The following ZNF577 variants were observed in gnomAD, a reference collection of about 807,000 sequenced individuals.
ZNF577 encodes zinc finger protein 577.
In ZNF577, 14 loss-of-function variants were observed where a neutral mutation model predicts 13.9. The ratio of observed to expected loss-of-function variants is 1.00; its 90% CI spans 0.66 to 1.57. ZNF577 has a LOEUF of 1.57. Among genes scored for constraint, ZNF577 ranks in the 40% most tolerant of loss-of-function variants. The pLI, the probability that ZNF577 is intolerant of heterozygous loss-of-function variation, is 0.00. For synonymous variants in ZNF577, 203 were observed against 202.9 expected (o/e 1.00, Z 0.00); for missense variants, 555 against 579.2 (o/e 0.96, Z 0.43).
At chr19:51,884,353 C>T (rs992025348) in intron 1 of ZNF577, among the ~76,000 whole-genome samples, 12 of 151,996 alleles carry the variant, frequency 7.9e-5, no homozygotes, top group Non-Finnish European at 1.6e-4. Context: ...GGCATGAAGC[C>T]TTGGATTTGC....
chr19:51,884,067 C>A (rs939964607), intron 1 of ZNF577, among the ~76,000 whole-genome samples: 3 of 152,028 alleles, frequency 2.0e-5, no homozygotes, highest in Non-Finnish European at 4.4e-5. Context: ...GAGTGAGAGT[C>A]CACTCACCCA....
At chr19:51,863,973 T>C (rs1568444253), downstream of ZNF577, among the ~76,000 whole-genome samples, 1 of 152,340 alleles carries the variant, frequency 6.6e-6, no homozygotes, top group East Asian at 1.9e-4. Flanking sequence ...TGCTCCCTTG[T>C]AGGAGGATCC....
Position 51,824,223 on chromosome 19 carries a change from C to A in ZNF577, c.*600-12549G>T, listed in dbSNP as rs1258611616. On this transcript the variant is annotated intron_variant and NMD_transcript_variant, in intron 9 of 10. Coordinates refer to the ZNF577 transcript ENST00000638827. This position sits in a 1 kb window ranked among gnomAD's most constrained non-coding sequence, Gnocchi z 4.7. ...GATTTTCACCATAGTCCTTACCTTA[C>A]CAAATTTCATCTTCTGGACTACAAT... 2.5e-6 allele frequency: 4 copies of A among 1,614,036 alleles called. No individual in the cohort carries two copies. The African/African-American group carries it at 4.0e-5, about 16-fold the overall frequency.
chr19:51,857,426 G>GAAAGAGAAAGAAAGAA (rs1555745840), intron 5 of ZNF577, among the ~76,000 whole-genome samples: 52 of 96,802 alleles, frequency 5.4e-4, no homozygotes, highest in Non-Finnish European at 6.8e-4. Flanking sequence ...AAGAAAGAAA[G>GAAAGAGAAAGAAAGAA]AAAAGAAAAA....
rs949520830 is a variant in ZNF577, at chr19:51,870,353, C to A, written c.*2179G>T. The stretch of plus-strand genomic sequence containing the variant: ...GATTGCTTTCTATTTCTTTATTAGT[C>A]TCTGTTTGGAAAATTGCTAACTTAC... On this transcript the variant is annotated 3_prime_UTR_variant, in exon 6 of 6. Transcript: ENST00000638348. 6.6e-6 allele frequency among the ~76,000 whole-genome samples: 1 copy of A among 152,040 alleles called. No individual in the cohort carries two copies. Among genetic ancestry groups the A allele is most frequent in the Non-Finnish European group, 1.5e-5 (1 of 68,014 alleles).
At chr19:51,854,665 C>T (rs944074379) in intron 5 of ZNF577, among the ~76,000 whole-genome samples, 6 of 151,520 alleles carry the variant, frequency 4.0e-5, no homozygotes, top group East Asian at 1.9e-4. Flanking sequence ...CTCAGATGGA[C>T]GGAATAATTT....
intron 10 of ZNF577, among the ~76,000 whole-genome samples, chr19:51,809,908 C>A (rs1171164376): frequency 6.6e-6 from 1 of 152,038 alleles, no homozygotes; most frequent in Non-Finnish European, 1.5e-5. Context: ...GTTTGTGGGG[C>A]CTGGGTCCAG....
At chr19:51,879,298 G>C (rs960128158) in intron 3 of ZNF577, among the ~76,000 whole-genome samples, 2 of 150,920 alleles carry the variant, frequency 1.3e-5, no homozygotes, top group African/African-American at 4.9e-5. Flanking sequence ...GGCTGGGCAT[G>C]GTGGCTCACG....
chr19:51,858,046 G>T (rs573879813), intron 5 of ZNF577, among the ~76,000 whole-genome samples: 23 of 152,142 alleles, frequency 1.5e-4, no homozygotes, highest in Non-Finnish European at 2.9e-4. Context: ...ACTCTCACCA[G>T]ATATGCTCCC....
Position 51,869,534 on chromosome 19 carries a change from C to CA in ZNF577, c.*2997dup, listed in dbSNP as rs1353235680. The stretch of plus-strand genomic sequence containing the variant: ...GTGATCAACAAATGCTGAGGGAACT[C>CA]AGAGACCAGTGCCGGTGCGGGTCCT... On this transcript the variant is annotated 3_prime_UTR_variant, in exon 6 of 6. Coordinates refer to ENST00000638348, the MANE Select transcript of ZNF577 (RefSeq NM_001370449.1). 1.3e-5 allele frequency among the ~76,000 whole-genome samples: 2 copies of CA among 152,162 alleles called. No homozygotes were observed. The highest frequency in any genetic ancestry group is 2.4e-5 in the African/African-American group (1 of 41,426).
chr19:51,854,693 C>T (rs1324477078), intron 5 of ZNF577, among the ~76,000 whole-genome samples: 1 of 151,896 alleles, frequency 6.6e-6, no homozygotes, highest in Non-Finnish European at 1.5e-5. Context: ...ATTTGGGAAG[C>T]TTTGGCCATT....
At chr19:51,885,180 A>C (rs1330481801) in intron 1 of ZNF577, among the ~76,000 whole-genome samples, 1 of 152,202 alleles carries the variant, frequency 6.6e-6, no homozygotes, top group Non-Finnish European at 1.5e-5. Context: ...GGGTTAGCTG[A>C]ATGTTTTTGT....
At chr19:51,818,375 G>A (rs563854517) in intron 9 of ZNF577, among the ~76,000 whole-genome samples, 3 of 152,214 alleles carry the variant, frequency 2.0e-5, no homozygotes, top group East Asian at 1.9e-4. Context: ...ACACAAACAC[G>A]GCCCGTGTTT....
At chr19:51,834,469 A>G (rs1252897577) in intron 9 of ZNF577, among the ~76,000 whole-genome samples, 1 of 152,238 alleles carries the variant, frequency 6.6e-6, no homozygotes, top group Non-Finnish European at 1.5e-5. Context: ...AAGGCTTTAA[A>G]TTATACTAAG....
chr19:51,854,496 A>ATT (rs780953746), intron 5 of ZNF577, among the ~76,000 whole-genome samples: 31 of 123,214 alleles, frequency 2.5e-4, no homozygotes, highest in African/African-American at 6.0e-4. Context: ...GCCCAGCTAA[A>ATT]TTTTTTTTTT....
intron 9 of ZNF577, among the ~76,000 whole-genome samples, chr19:51,829,409 G>A (rs1476523052): frequency 1.3e-5 from 2 of 151,892 alleles, no homozygotes; most frequent in African/African-American, 4.8e-5. Context: ...TAAATACCAG[G>A]TTCCGAGGCC....
intron 9 of ZNF577, among the ~76,000 whole-genome samples, chr19:51,814,642 T>C (rs1047568171): frequency 2.6e-5 from 4 of 151,998 alleles, no homozygotes; most frequent in Admixed American, 2.0e-4. Flanking sequence ...TACAGGCATG[T>C]GCCATTCTGC....
intron 5 of ZNF577, among the ~76,000 whole-genome samples, chr19:51,855,013 GCTGA>G (rs2084403489): frequency 6.6e-6 from 1 of 152,090 alleles, no homozygotes; most frequent in Non-Finnish European, 1.5e-5. Context: ...AGTTAACATA[GCTGA>G]CTTTTAATCT....
chr19:51,835,907 G>A (rs2084285342), intron 9 of ZNF577, among the ~76,000 whole-genome samples: 1 of 152,186 alleles, frequency 6.6e-6, no homozygotes, highest in African/African-American at 2.4e-5. Flanking sequence ...TGGTCAGGCT[G>A]GTCTTGAACT....
Sources: gnomAD v4.1 joint callset for allele counts (sites outside exome capture counted in the v4.1 genomes callset) on GRCh38, gnomAD v4.1.1 for gene constraint, Gnocchi (gnomAD v3.1) non-coding constraint, MANE v1.5 for transcripts, NCBI Gene and HGNC (gene_info 2026-07-23, HGNC 2026-07-21) for gene names.